NLRP8: variants seen among roughly 807,000 people sequenced by gnomAD.
The protein encoded by NLRP8 is NACHT, LRR and PYD domains-containing protein 8.
A neutral mutation model predicts 88.7 loss-of-function variants in NLRP8; 86 were observed. That is an observed-to-expected ratio of 0.97 (90% confidence interval 0.81 to 1.16). The LOEUF (loss-of-function observed/expected upper bound fraction) is 1.16. Among genes scored for constraint, NLRP8 ranks in the 50% most tolerant of loss-of-function variants. The pLI, the probability that NLRP8 is intolerant of heterozygous loss-of-function variation, is 0.00. For synonymous variants in NLRP8, 504 were observed against 494.6 expected (o/e 1.02, Z -0.25); for missense variants, 1,342 against 1,286.5 (o/e 1.04, Z -0.66).
chr19:55,967,365 C>G (rs1979888306), intron 5 of NLRP8, among the ~76,000 whole-genome samples: 1 of 152,230 alleles, frequency 6.6e-6, no homozygotes, highest in Non-Finnish European at 1.5e-5. Context: ...TTCCCAGCCC[C>G]TGGTAACCAT....
Position 55,952,565 on chromosome 19 carries a change from A to G in NLRP8, c.395A>G (p.Asp132Gly). ...ATTCTGCCTACCTTGGAACCAGAGG[A>G]CTTGAATGTGGGAGAAACACAGGTG... The change falls in exon 2 of 10, where the codon GAC (aspartate) becomes GGC (glycine). Residue 132 changes from aspartate to glycine, a missense_variant. Asp to Gly is a moderately conservative substitution (Grantham distance 94). Coordinates refer to ENST00000291971, the MANE Select transcript of NLRP8 (RefSeq NM_176811.2). 1.2e-6 allele frequency: 2 copies of G among 1,614,066 alleles called. No homozygotes were observed. Among genetic ancestry groups the G allele is most frequent in the Non-Finnish European group, 1.7e-6 (2 of 1,179,946 alleles).
chr19:55,979,098 T>C (rs1402070204), intron 8 of NLRP8, among the ~76,000 whole-genome samples: 1 of 152,178 alleles, frequency 6.6e-6, no homozygotes, highest in East Asian at 1.9e-4. Context: ...GTGTCAAAAA[T>C]GTCCACTAGG....
chr19:55,960,305 G>A (rs532196051), intron 3 of NLRP8, among the ~76,000 whole-genome samples: 2 of 152,296 alleles, frequency 1.3e-5, no homozygotes, highest in African/African-American at 2.4e-5. Context: ...TGTTCACTCA[G>A]ATATTGAATG....
At position 55,979,443 on chromosome 19, in the gene NLRP8, A is replaced by C. The variant is rs1568469216; in HGVS notation, c.2926A>C (p.Met976Leu). ...CATCTGCTGCCAGGCCATGGCTTCCATGCTCCGCAAAAACCAACATCTGAG... is the reference window on the plus strand; with the variant it reads ...CATCTGCTGCCAGGCCATGGCTTCCCTGCTCCGCAAAAACCAACATCTGAG... Residue 976 changes from methionine to leucine, a missense_variant, in exon 9 of 10, where the codon ATG (methionine) becomes CTG (leucine). Transcript: ENST00000291971. 1 of 1,614,176 alleles carries C rather than the reference A, an allele frequency of 6.2e-7. No individual in the cohort carries two copies. The highest frequency in any genetic ancestry group is 8.5e-7 in the Non-Finnish European group (1 of 1,180,032).
intron 9 of NLRP8, among the ~76,000 whole-genome samples, chr19:55,983,818 CAAAAAAAAA>C (rs56312019): frequency 1.1e-4 from 9 of 84,660 alleles, no homozygotes; most frequent in African/African-American, 2.7e-4. Flanking sequence ...CTAGTAGATG[CAAAAAAAAA>C]AAAAAAAAAA....
intron 9 of NLRP8, among the ~76,000 whole-genome samples, chr19:55,984,457 CCGGCCTGG>C (rs1980713782): frequency 5.3e-5 from 8 of 150,476 alleles, no homozygotes; most frequent in African/African-American, 1.7e-4. Context: ...GAATTTGAGA[CCGGCCTGG>C]CCAACATGGA....
At chr19:55,962,261 G>T (rs771249602) in intron 4 of NLRP8, 24 bp downstream of exon 4, 1 of 1,603,212 alleles carries the variant, frequency 6.2e-7, no homozygotes, top group Admixed American at 1.7e-5. Flanking sequence ...AAATCCCACT[G>T]GAAGGAACTT....
intron 8 of NLRP8, among the ~76,000 whole-genome samples, chr19:55,978,468 G>C (rs1980440865): frequency 6.6e-6 from 1 of 151,990 alleles, no homozygotes; most frequent in Non-Finnish European, 1.5e-5. Flanking sequence ...CATCTGGTGA[G>C]AGCCTTAGTG....
At chr19:55,967,595 T>C (rs1979901409) in intron 5 of NLRP8, among the ~76,000 whole-genome samples, 1 of 151,730 alleles carries the variant, frequency 6.6e-6, no homozygotes, top group South Asian at 2.1e-4. Context: ...TCCATTTGTC[T>C]GTTGATGGAC....
chr19:55,956,449 G>A (rs572821253), intron 3 of NLRP8, among the ~76,000 whole-genome samples: 25 of 152,156 alleles, frequency 1.6e-4, no homozygotes, highest in African/African-American at 5.3e-4. Context: ...TCACCATGTT[G>A]GCCAGGCTGG....
chr19:55,949,200 C>A (rs1978984684), intron 1 of NLRP8, among the ~76,000 whole-genome samples: 2 of 151,914 alleles, frequency 1.3e-5, no homozygotes, highest in Non-Finnish European at 1.5e-5. Context: ...CTTACTGTAC[C>A]TAATTTATAA....
chr19:55,985,155 TAGCC>T (rs1980750155), intron 9 of NLRP8, among the ~76,000 whole-genome samples: 1 of 152,048 alleles, frequency 6.6e-6, no homozygotes, highest in Admixed American at 6.6e-5. Flanking sequence ...TACAAAAAAT[TAGCC>T]AGGCGTGGTG....
At chr19:55,986,324 ACACACT>A (rs1980806615) in intron 9 of NLRP8, among the ~76,000 whole-genome samples, 1 of 145,758 alleles carries the variant, frequency 6.9e-6, no homozygotes, top group South Asian at 2.2e-4. Flanking sequence ...TCTCACACAC[ACACACT>A]CTCTGTCTCA....
chr19:55,962,149 A>C lies in NLRP8; in HGVS notation c.2125A>C (p.Thr709Pro). 1 of 1,614,170 alleles carries C rather than the reference A, an allele frequency of 6.2e-7. No homozygotes were observed. The highest frequency in any genetic ancestry group is 8.5e-7 in the Non-Finnish European group (1 of 1,180,004). ...AACGAATGATAAGCTGGAAGTCCTG[A>C]CTATGACCAACAGTGTTTTGGGGCC... Residue 709 changes from threonine to proline, a missense_variant, in exon 4 of 10, where the codon ACT (threonine) becomes CCT (proline). Thr to Pro is a conservative substitution (Grantham distance 38). Transcript: ENST00000291971.
At position 55,948,212 on chromosome 19, in the gene NLRP8, A is replaced by T. The variant is rs1271947347; in HGVS notation, c.310A>T (p.Ile104Phe). The change falls in exon 1 of 10, where the codon ATC becomes TTC. Residue 104 changes from isoleucine to phenylalanine, a missense_variant. Physicochemically the swap from Ile to Phe is conservative, Grantham distance 21. Transcript: ENST00000291971. ...ACGCGCTTGGGATGTGACTTCGAAC[A>T]TCTTTGCCATTATGAACTGTGATAA... is the stretch of plus-strand genomic sequence containing the variant. 10 of 1,614,060 alleles carry T rather than the reference A, an allele frequency of 6.2e-6. No homozygotes were observed. The East Asian group carries it at 1.3e-4, about 22-fold the overall frequency.
intron 4 of NLRP8, among the ~76,000 whole-genome samples, chr19:55,964,233 G>A (rs780633543): frequency 6.6e-6 from 1 of 152,196 alleles, no homozygotes; most frequent in Non-Finnish European, 1.5e-5. Flanking sequence ...CTTACTGAGT[G>A]CGTACTATGT....
intron 1 of NLRP8, among the ~76,000 whole-genome samples, chr19:55,949,438 A>G (rs1022735915): frequency 2.0e-5 from 3 of 152,056 alleles, no homozygotes; most frequent in African/African-American, 7.2e-5. Context: ...GGGTTTCACC[A>G]TGTTGGCCAG....
At chr19:55,957,545 GCA>G (rs1979408018) in intron 3 of NLRP8, among the ~76,000 whole-genome samples, 1 of 151,524 alleles carries the variant, frequency 6.6e-6, no homozygotes, top group Non-Finnish European at 1.5e-5. Context: ...AATTAGCCAG[GCA>G]TGGTGGCGGG....
chr19:55,955,623 G>A lies in NLRP8; in HGVS notation c.1565G>A (p.Cys522Tyr), dbSNP rs777823684. The A allele has an allele frequency of 1.9e-6, 3 of 1,614,144 alleles. No homozygotes were observed. Among genetic ancestry groups the A allele is most frequent in the South Asian group, 2.2e-5 (2 of 91,084 alleles). ...TTTGCGGCCTTGTTTTATGTTCTCT[G>A]TTTCCCACAAAGACTCAAAAATTTT... The change falls in exon 3 of 10, where the codon TGT (cysteine) becomes TAT (tyrosine). Residue 522 changes from cysteine (C) to tyrosine (Y), a missense_variant. By Grantham distance (194) the Cys-to-Tyr change is radical. Transcript: ENST00000291971.
Sources: allele counts gnomAD v4.1 joint callset (sites outside exome capture counted in the v4.1 genomes callset), GRCh38; gene constraint gnomAD v4.1.1; transcripts MANE v1.5; gene names NCBI Gene and HGNC (gene_info 2026-07-23, HGNC 2026-07-21).